Variants in ABCB1 observed in about 807,000 individuals in gnomAD.
ABCB1 encodes ATP binding cassette subfamily B member 1, also known as ATP-dependent translocase ABCB1.
ABCB1 carries 69 observed loss-of-function variants against 142.0 expected under a neutral mutation model. That is an observed-to-expected ratio of 0.49 (90% CI 0.40 to 0.59). ABCB1 has a LOEUF of 0.59. ABCB1 is among the 20% of genes least tolerant of loss of function. The probability of loss-of-function intolerance (pLI) is 0.00; values close to 1 mark genes in which losing one functional copy is unlikely to be tolerated. For synonymous variants in ABCB1, 532 were observed against 539.2 expected, an observed-to-expected ratio of 0.99 and a Z score of 0.18; for missense variants, 1,326 against 1,554.7, an observed-to-expected ratio of 0.85 and a Z score of 2.47.
intron 8 of ABCB1, among the ~76,000 whole-genome samples, chr7:87,559,443 T>C (rs28381871): frequency 5.8e-4 from 89 of 152,178 alleles, no homozygotes; most frequent in African/African-American, 2.1e-3. Flanking sequence ...CTTTTTTTGT[T>C]CCTGATTAAA....
intron 1 of ABCB1, chr7:87,710,456 A>T: frequency 1.6e-6 from 1 of 635,570 alleles, no homozygotes; most frequent in Non-Finnish European, 2.8e-6. Context: ...CTTAGTCGTT[A>T]TCAAATGTAT....
intron 1 of ABCB1, among the ~76,000 whole-genome samples, chr7:87,712,260 AT>A (rs1277103181): frequency 6.6e-6 from 1 of 152,118 alleles, no homozygotes; most frequent in Non-Finnish European, 1.5e-5. Flanking sequence ...CACTCGAGAT[AT>A]TTCTAAAGAT....
chr7:87,602,103 C>T (rs904549012), upstream of ABCB1, among the ~76,000 whole-genome samples: 7 of 152,228 alleles, frequency 4.6e-5, no homozygotes, highest in South Asian at 2.1e-4. Flanking sequence ...ACACCATTCT[C>T]CTGCCTCAGC....
chr7:87,516,743 T>C (rs1815270295), intron 23 of ABCB1, 78 bp from the exon 24 acceptor site: 1 of 1,494,122 alleles, frequency 6.7e-7, no homozygotes. Flanking sequence ...TTTTTTTTTT[T>C]TTTTTTTTTT....
chr7:87,554,003 G>C, intron 8 of ABCB1, 71 bp from the exon 9 acceptor site: 18 of 1,424,244 alleles, frequency 1.3e-5, no homozygotes, highest in Non-Finnish European at 1.8e-5. Context: ...GATAGTTACA[G>C]AGTGGCTAGG....
At chr7:87,712,760 C>G (rs1257632362) in intron 1 of ABCB1, among the ~76,000 whole-genome samples, 3 of 152,046 alleles carry the variant, frequency 2.0e-5, no homozygotes, top group Non-Finnish European at 2.9e-5. Flanking sequence ...TTCCTGTAAC[C>G]ATACATAAAC....
chr7:87,549,345 G>C lies in ABCB1; in HGVS notation c.1725+3C>G. The C allele has an allele frequency of 1.2e-6, 2 of 1,614,130 alleles. No homozygotes were observed. The highest frequency in any genetic ancestry group is 1.6e-4 in the Middle Eastern group (1 of 6,062). ...AGGTTGGTTTGAACTAAGCCTCACT[G>C]ACCTTATCCAGAGCCACCTGAACCA... On this transcript the variant is annotated splice_donor_region_variant and intron_variant, in intron 14 of 27. Transcript: ENST00000622132.
chr7:87,683,512 ATTG>A (rs1260835846), intron 1 of ABCB1, among the ~76,000 whole-genome samples: 2 of 152,154 alleles, frequency 1.3e-5, no homozygotes, highest in East Asian at 3.9e-4. Context: ...TAATTTCAGT[ATTG>A]TTGTGTCTCA....
intron 13 of ABCB1, 144 bp downstream of exon 13, chr7:87,549,707 G>C: frequency 7.6e-7 from 1 of 1,316,132 alleles, no homozygotes; most frequent in South Asian, 1.2e-5. Flanking sequence ...GATACTGCTA[G>C]AGCTTTCAAA....
At chr7:87,698,565 G>C (rs1189198909) in intron 1 of ABCB1, among the ~76,000 whole-genome samples, 1 of 152,110 alleles carries the variant, frequency 6.6e-6, no homozygotes, top group Non-Finnish European at 1.5e-5. Context: ...GCTATAAAAA[G>C]ATAATTGGAT....
At chr7:87,711,480 A>AT (rs1276123254) in intron 1 of ABCB1, among the ~76,000 whole-genome samples, 1 of 151,978 alleles carries the variant, frequency 6.6e-6, no homozygotes, top group Non-Finnish European at 1.5e-5. Context: ...GACTTTGTTG[A>AT]TTTTTTATGA....
intron 1 of ABCB1, among the ~76,000 whole-genome samples, chr7:87,657,816 A>G (rs887438456): frequency 1.4e-4 from 21 of 152,292 alleles, no homozygotes; most frequent in Admixed American, 1.2e-3. Flanking sequence ...AGTAATGAGG[A>G]TGCCCTTATT....
At chr7:87,678,029 A>G (rs1170392255) in intron 1 of ABCB1, among the ~76,000 whole-genome samples, 1 of 152,246 alleles carries the variant, frequency 6.6e-6, no homozygotes, top group African/African-American at 2.4e-5. Context: ...AATCTGGTCT[A>G]AAAGAAATGC....
At chr7:87,698,930 G>C (rs1294844958) in intron 1 of ABCB1, among the ~76,000 whole-genome samples, 1 of 152,052 alleles carries the variant, frequency 6.6e-6, no homozygotes, top group Non-Finnish European at 1.5e-5. Context: ...GATTTCTGTT[G>C]GTTGATTAAT....
chr7:87,623,438 G>A (rs1225552046), intron 1 of ABCB1, among the ~76,000 whole-genome samples: 1 of 152,150 alleles, frequency 6.6e-6, no homozygotes, highest in Non-Finnish European at 1.5e-5. Flanking sequence ...ACCCATCAAG[G>A]TACTCTTCAT....
intron 1 of ABCB1, chr7:87,710,524 A>AT: frequency 3.3e-6 from 4 of 1,206,636 alleles, no homozygotes; most frequent in East Asian, 2.5e-5. Flanking sequence ...GTGGCAAAAT[A>AT]TTTTTTTAAT....
intron 3 of ABCB1, among the ~76,000 whole-genome samples, chr7:87,589,802 AGAG>A (rs1818911410): frequency 7.5e-6 from 1 of 132,974 alleles, no homozygotes; most frequent in Admixed American, 7.3e-5. Flanking sequence ...AGAGAGAGAG[AGAG>A]GAGAGAGAGA....
chr7:87,618,822 T>A (rs1212145971), intron 1 of ABCB1, among the ~76,000 whole-genome samples: 3 of 152,156 alleles, frequency 2.0e-5, no homozygotes, highest in African/African-American at 7.2e-5. Context: ...GAAATTTGAA[T>A]CATGAAATTT....
intron 4 of ABCB1, among the ~76,000 whole-genome samples, chr7:87,572,287 A>T (rs997544818): frequency 3.9e-5 from 6 of 152,192 alleles, no homozygotes; most frequent in African/African-American, 1.4e-4. Context: ...CATTGTTTCT[A>T]CCAGTTTTCT....
Sources: gnomAD v4.1 joint callset for allele counts (sites outside exome capture counted in the v4.1 genomes callset) on GRCh38, gnomAD v4.1.1 for gene constraint, MANE v1.5 for transcripts, NCBI Gene and HGNC (gene_info 2026-07-23, HGNC 2026-07-21) for gene names.